Variants in CTNND2 observed in about 807,000 individuals in gnomAD.
CTNND2 encodes catenin delta 2, also known as catenin delta-2.
CTNND2 carries 22 observed loss-of-function variants against 144.4 expected under a neutral mutation model. That is an observed-to-expected ratio of 0.15 (90% CI 0.11 to 0.22). The LOEUF is 0.22. CTNND2 is among the 10% of genes least tolerant of loss of function. CTNND2 has a pLI of 1.00. For missense variants in CTNND2, 1,353 were observed against 1,618.8 expected (o/e 0.84, Z 2.82); for synonymous variants, 751 against 695.6 (o/e 1.08, Z -1.25).
At chr5:11,196,483 G>C (rs1261137814) in intron 11 of CTNND2, among the ~76,000 whole-genome samples, 1 of 152,188 alleles carries the variant, frequency 6.6e-6, no homozygotes, top group Non-Finnish European at 1.5e-5. Context: ...GCTGAGCTCT[G>C]TATTAGATCC....
intron 12 of CTNND2, among the ~76,000 whole-genome samples, chr5:11,130,529 A>G (rs1443617973): frequency 6.6e-6 from 1 of 152,178 alleles, no homozygotes; most frequent in Non-Finnish European, 1.5e-5. Context: ...TAACTGCTCT[A>G]TGAAATGTCT....
intron 13 of CTNND2, 133 bp from the exon 14 acceptor site, chr5:11,111,176 G>A: frequency 1.1e-6 from 1 of 932,700 alleles, no homozygotes; most frequent in East Asian, 2.6e-5. Context: ...GCTTCTGAAA[G>A]CTCCCCTGAT....
At chr5:11,069,543 G>T (rs1313395395) in intron 16 of CTNND2, among the ~76,000 whole-genome samples, 2 of 152,152 alleles carry the variant, frequency 1.3e-5, no homozygotes, top group African/African-American at 4.8e-5. Context: ...ATTGAGGATG[G>T]ATAGAGACAG....
chr5:11,778,703 G>A (rs1220478460), intron 1 of CTNND2, among the ~76,000 whole-genome samples: 2 of 152,208 alleles, frequency 1.3e-5, no homozygotes, highest in Middle Eastern at 3.2e-3. Flanking sequence ...GTGGTGTCCT[G>A]AATGGGATCT....
intron 1 of CTNND2, among the ~76,000 whole-genome samples, chr5:11,802,370 C>G (rs1287500384): frequency 6.6e-6 from 1 of 151,874 alleles, no homozygotes; most frequent in Non-Finnish European, 1.5e-5. Context: ...GAGTTTGAAA[C>G]CAGCCTGACC....
chr5:11,660,998 G>T (rs191376263), intron 2 of CTNND2, among the ~76,000 whole-genome samples: 3 of 152,186 alleles, frequency 2.0e-5, no homozygotes, highest in Admixed American at 1.3e-4. Flanking sequence ...CTAGATCAGA[G>T]AATTATTTGA....
chr5:11,517,401 A>AG (rs1305130296), intron 3 of CTNND2, among the ~76,000 whole-genome samples: 1 of 152,228 alleles, frequency 6.6e-6, no homozygotes, highest in Non-Finnish European at 1.5e-5. Context: ...TCTCTACAAT[A>AG]GGGTAACACT....
chr5:11,731,832 T>G (rs1787405595), intron 2 of CTNND2, among the ~76,000 whole-genome samples: 1 of 152,188 alleles, frequency 6.6e-6, no homozygotes, highest in Non-Finnish European at 1.5e-5. Context: ...TATTTCACTT[T>G]GTATGTTTAA....
At chr5:11,357,424 A>G (rs1278977888) in intron 8 of CTNND2, among the ~76,000 whole-genome samples, 2 of 152,164 alleles carry the variant, frequency 1.3e-5, no homozygotes, top group African/African-American at 2.4e-5. Context: ...AAACTAATCC[A>G]GGCACAGAAA....
chr5:11,416,979 CACTT>C (rs1425478307), intron 3 of CTNND2, among the ~76,000 whole-genome samples: 2 of 152,134 alleles, frequency 1.3e-5, no homozygotes, highest in Non-Finnish European at 2.9e-5. Context: ...CCATAAATAA[CACTT>C]AGCCTTTAAA....
chr5:11,177,332 A>G (rs897967267), intron 11 of CTNND2, among the ~76,000 whole-genome samples: 3 of 152,216 alleles, frequency 2.0e-5, no homozygotes, highest in Non-Finnish European at 4.4e-5. Context: ...CAATTATAAA[A>G]TTCAAGGCAT....
At chr5:11,407,091 T>C (rs1761158656) in intron 5 of CTNND2, among the ~76,000 whole-genome samples, 1 of 152,226 alleles carries the variant, frequency 6.6e-6, no homozygotes, top group Non-Finnish European at 1.5e-5. Context: ...ATCACCTTTA[T>C]TTCTGAGTTT....
intron 2 of CTNND2, among the ~76,000 whole-genome samples, chr5:11,673,774 G>T (rs909936696): frequency 6.6e-6 from 1 of 152,116 alleles, no homozygotes; most frequent in Non-Finnish European, 1.5e-5. Context: ...AGATAAAAAA[G>T]AAAAATAAAT....
intron 3 of CTNND2, among the ~76,000 whole-genome samples, chr5:11,551,194 A>G (rs929440195): frequency 6.6e-6 from 1 of 152,052 alleles, no homozygotes; most frequent in African/African-American, 2.4e-5. Flanking sequence ...CTTACCCAAC[A>G]CCAGTGTACC....
chr5:11,146,058 T>C (rs1328188241), intron 12 of CTNND2, among the ~76,000 whole-genome samples: 19 of 152,344 alleles, frequency 1.2e-4, no homozygotes, highest in East Asian at 1.9e-4. Context: ...AGGAGCTCTC[T>C]GGCAGTTTGC....
intron 9 of CTNND2, among the ~76,000 whole-genome samples, chr5:11,278,895 C>G (rs1287388684): frequency 2.0e-5 from 3 of 152,146 alleles, no homozygotes; most frequent in Non-Finnish European, 4.4e-5. Context: ...TCCCTCGTTG[C>G]TTGACTTCTA....
intron 8 of CTNND2, among the ~76,000 whole-genome samples, chr5:11,355,947 T>C (rs183444415): frequency 5.5e-4 from 84 of 152,134 alleles, no homozygotes; most frequent in Non-Finnish European, 1.1e-3. Context: ...TTTATAATAT[T>C]AATAGCTACA....
At chr5:11,807,993 C>T (rs890752235) in intron 1 of CTNND2, among the ~76,000 whole-genome samples, 3 of 152,044 alleles carry the variant, frequency 2.0e-5, no homozygotes, top group Non-Finnish European at 4.4e-5. Context: ...ATAGTGGCTC[C>T]CTACAATAGA....
chr5:11,228,353 CAAAAAAAAAAAAAAAAA>C (rs564048343), intron 10 of CTNND2, among the ~76,000 whole-genome samples: 3 of 26,734 alleles, frequency 1.1e-4, no homozygotes, highest in African/African-American at 3.3e-4. Context: ...CTCTCTCTCT[CAAAAAAAAAAAAAAAAA>C]AAAAAAAAAC....
Sources: allele counts gnomAD v4.1 joint callset (sites outside exome capture counted in the v4.1 genomes callset), GRCh38; gene constraint gnomAD v4.1.1; transcripts MANE v1.5; gene names NCBI Gene and HGNC (gene_info 2026-07-23, HGNC 2026-07-21).